RANBP17: variants seen among roughly 807,000 people sequenced by gnomAD.
The protein encoded by RANBP17 is RAN binding protein 17.
A neutral mutation model predicts 141.2 loss-of-function variants in RANBP17; 158 were observed. That is an observed-to-expected ratio of 1.12 (90% confidence interval 0.98 to 1.28). RANBP17 has a LOEUF of 1.28. Ranked by LOEUF, RANBP17 falls within the 50% of genes most tolerant of loss-of-function variation. The pLI is 0.00. For synonymous variants in RANBP17, 430 were observed against 450.0 expected (o/e 0.96, Z 0.56); for missense variants, 1,438 against 1,290.7 (o/e 1.11, Z -1.75).
intron 13 of RANBP17, among the ~76,000 whole-genome samples, chr5:170,966,339 T>C (rs1776562626): frequency 1.3e-5 from 2 of 152,110 alleles, no homozygotes; most frequent in African/African-American, 2.4e-5. Context: ...AAAAAGCTTA[T>C]CCACCATGAT....
At chr5:171,204,849 G>C (rs540118586) in intron 19 of RANBP17, among the ~76,000 whole-genome samples, 3 of 152,168 alleles carry the variant, frequency 2.0e-5, no homozygotes, top group Admixed American at 6.5e-5. Flanking sequence ...CAGTGCCTCT[G>C]TGAGAAATGC....
intron 14 of RANBP17, among the ~76,000 whole-genome samples, chr5:171,047,853 G>A (rs1337534157): frequency 6.6e-6 from 1 of 151,930 alleles, no homozygotes; most frequent in South Asian, 2.1e-4. Context: ...TCATTCTGAA[G>A]TATCCATTAA....
chr5:171,188,773 G>A (rs920348493), intron 18 of RANBP17, among the ~76,000 whole-genome samples: 27 of 152,168 alleles, frequency 1.8e-4, no homozygotes, highest in African/African-American at 6.5e-4. Context: ...CAACAGGATA[G>A]CACTATCGGA....
rs141503316 is a variant in RANBP17 at position 170,892,509 on chromosome 5, T to G, written c.379T>G (p.Phe127Val). ...GTGGTTTGAGGTTCAGAAAGACCAA[T>G]TTGTCTTCAGAGAAATTATTGCTGA... ...LGWFEVQKDQ[F>V]VFREIIADVK... The change falls in exon 4 of 28, where the codon TTT becomes GTT. Residue 127 changes from phenylalanine (F) to valine (V), a missense_variant. Physicochemically the swap from Phe to Val is conservative, Grantham distance 50. Transcript: ENST00000523189. 16 of 1,613,890 alleles carry G rather than the reference T, an allele frequency of 9.9e-6. No individual in the cohort carries two copies. The African/African-American group carries it at 1.5e-4, about 15-fold the overall frequency.
chr5:171,011,412 C>CT lies in RANBP17; in HGVS notation c.1710+43043dup, dbSNP rs534247025. ...ATAATGGGTAGTTATTCGTTCTGTT[C>CT]TTTTTTTTAATATGTGTTTAAAAGG... On this transcript the variant is annotated intron_variant, in intron 14 of 27. Coordinates refer to ENST00000523189, the MANE Select transcript of RANBP17 (RefSeq NM_022897.5). Among the ~76,000 whole-genome samples, 63 of 151,362 alleles carry CT rather than the reference C, an allele frequency of 4.2e-4. 1 individual carries two copies. The South Asian group carries it at 0.013, about 31-fold the overall frequency.
chr5:171,047,219 T>C (rs1184736342), intron 14 of RANBP17, among the ~76,000 whole-genome samples: 1 of 151,956 alleles, frequency 6.6e-6, no homozygotes, highest in African/African-American at 2.4e-5. Context: ...GGTTTCACCA[T>C]GTTGGCCAGA....
In RANBP17 at chr5:171,166,188, G is replaced by T. The variant is rs1759683978; in HGVS notation, c.1711-3942G>T. Among the ~76,000 whole-genome samples, 2 of 152,108 alleles carry T rather than the reference G, an allele frequency of 1.3e-5. 1 individual carries two copies. The highest frequency in any genetic ancestry group is 4.2e-4 in the South Asian group (2 of 4,806). ...AATGCAGAAGAAGGAAAGAAGGGAGGAGGGCTCAGACAGGCAAAACCTTGG... is the reference window on the plus strand; with the variant it reads ...AATGCAGAAGAAGGAAAGAAGGGAGTAGGGCTCAGACAGGCAAAACCTTGG... On this transcript the variant is annotated intron_variant, in intron 14 of 27. Coordinates refer to ENST00000523189, the MANE Select transcript of RANBP17 (RefSeq NM_022897.5).
At position 171,054,365 on chromosome 5, in the gene RANBP17, A is replaced by G. The variant is rs1783201533; in HGVS notation, c.1710+85988A>G. Among the ~76,000 whole-genome samples the G allele has an allele frequency of 2.0e-5, 3 of 152,154 alleles. No individual in the cohort carries two copies. The South Asian group carries it at 6.2e-4, about 31-fold the overall frequency. On this transcript the variant is annotated intron_variant, in intron 14 of 27. Transcript: ENST00000523189. Reference sequence around the variant, plus strand: ...TTATATGCTAAACAAGGGATTGATTATTCATTAGTTTTCTGGAAAAGGGGT... The same window carrying G: ...TTATATGCTAAACAAGGGATTGATTGTTCATTAGTTTTCTGGAAAAGGGGT...
intron 24 of RANBP17, chr5:171,253,059 G>T (rs1765678918): frequency 1.2e-5 from 11 of 889,396 alleles, no homozygotes; most frequent in Non-Finnish European, 2.0e-5. Context: ...ATCAAGCACT[G>T]ATTTTTCAAG....
chr5:171,212,239 T>A (rs548654633), intron 20 of RANBP17, among the ~76,000 whole-genome samples: 1 of 152,322 alleles, frequency 6.6e-6, no homozygotes, highest in African/African-American at 2.4e-5. Flanking sequence ...AGAAATGCAC[T>A]ATCTAATGGG....
chr5:171,199,583 C>G, intron 18 of RANBP17, 87 bp from the exon 19 acceptor site: 1 of 735,050 alleles, frequency 1.4e-6, no homozygotes, highest in South Asian at 2.5e-5. Context: ...GGGAATATTT[C>G]TAAGCCTAAA....
At chr5:171,110,186 CTG>C (rs1375747350) in intron 14 of RANBP17, among the ~76,000 whole-genome samples, 2 of 151,880 alleles carry the variant, frequency 1.3e-5, no homozygotes, top group African/African-American at 4.8e-5. Context: ...CTTCCTGGCT[CTG>C]TGGCTCTGTG....
chr5:171,059,445 C>G (rs1425845256), intron 14 of RANBP17, among the ~76,000 whole-genome samples: 4 of 151,968 alleles, frequency 2.6e-5, no homozygotes, highest in South Asian at 4.2e-4. Flanking sequence ...GCTTGTTTTT[C>G]TCAGGTTTGT....
In RANBP17 at chr5:170,911,470, A is replaced by C. The variant is rs1445065050; in HGVS notation, c.760+336A>C. 1.2e-5 allele frequency: 8 copies of C among 672,374 alleles called. No homozygotes were observed. The Admixed American group carries it at 1.6e-4, about 14-fold the overall frequency. 41.7% of individuals were successfully genotyped at this position (672,374 alleles called of 1,614,324 possible). ...ACAGGATCCCACTCTGTTTATGATC[A>C]TTTTCAGGTGCTGGTCAAACCTTTA... On this transcript the variant is annotated intron_variant, in intron 7 of 27. Transcript: ENST00000523189.
intron 14 of RANBP17, among the ~76,000 whole-genome samples, chr5:171,040,256 A>G (rs1581469007): frequency 2.0e-5 from 3 of 152,170 alleles, no homozygotes; most frequent in African/African-American, 7.2e-5. Context: ...CTTAAACAGA[A>G]TGAAAAACCA....
chr5:171,032,554 T>A (rs1157112845), intron 14 of RANBP17, among the ~76,000 whole-genome samples: 1 of 152,140 alleles, frequency 6.6e-6, no homozygotes, highest in Non-Finnish European at 1.5e-5. Flanking sequence ...CTAATATTAA[T>A]TTTATTCCCC....
At chr5:171,262,729 C>G (rs1766416027) in intron 24 of RANBP17, among the ~76,000 whole-genome samples, 2 of 152,272 alleles carry the variant, frequency 1.3e-5, no homozygotes, top group South Asian at 2.1e-4. Context: ...CTACAGAACA[C>G]TGCAACTTAT....
chr5:171,057,950 C>T (rs921823853), intron 14 of RANBP17, among the ~76,000 whole-genome samples: 2 of 152,014 alleles, frequency 1.3e-5, no homozygotes, highest in Non-Finnish European at 2.9e-5. Flanking sequence ...GGTGGGGACA[C>T]AGAGCCAAAC....
At chr5:171,098,254 CATT>C (rs200820442) in intron 14 of RANBP17, among the ~76,000 whole-genome samples, 3,064 of 152,254 alleles carry the variant, frequency 0.02, 98 homozygotes, top group African/African-American at 0.069. Context: ...CTCTCACTAA[CATT>C]ATAAAAGCGT....
Sources: gnomAD v4.1 joint callset for allele counts (sites outside exome capture counted in the v4.1 genomes callset) on GRCh38, gnomAD v4.1.1 for gene constraint, MANE v1.5 for transcripts, NCBI Gene and HGNC (gene_info 2026-07-23, HGNC 2026-07-21) for gene names.